The following ITIH4 variants were observed in gnomAD, a reference collection of about 807,000 sequenced individuals.
The protein encoded by ITIH4 is inter-alpha-trypsin inhibitor heavy chain H4.
A neutral mutation model predicts 111.8 loss-of-function variants in ITIH4; 79 were observed. The ratio of observed to expected loss-of-function variants is 0.71; its 90% CI spans 0.59 to 0.85. The LOEUF (loss-of-function observed/expected upper bound fraction) is 0.85, where lower values mean the gene tolerates loss of function less well. ITIH4 is among the 40% of genes least tolerant of loss of function. The pLI is 0.00. For missense variants in ITIH4, 1,065 were observed against 1,195.8 expected (o/e 0.89, Z 1.61); for synonymous variants, 472 against 468.3 (o/e 1.01, Z -0.10).
chr3:52,817,177 C>G, intron 20 of ITIH4, 119 bp from the exon 21 acceptor site: 3 of 760,950 alleles, frequency 3.9e-6, no homozygotes, highest in Middle Eastern at 3.4e-4. Context: ...CCTCCCTCAT[C>G]AGGAGGGGTG....
At chr3:52,823,198 A>C in intron 11 of ITIH4, 1 of 197,606 alleles carries the variant, frequency 5.1e-6, no homozygotes. Context: ...GGCCCGGGGA[A>C]AGCTGCCTGC....
At chr3:52,820,404 TTG>T (rs1700359585) in intron 13 of ITIH4, 87 bp from the exon 14 acceptor site, 2 of 1,426,784 alleles carry the variant, frequency 1.4e-6, no homozygotes, top group Admixed American at 3.8e-5. Context: ...TTTGAAGCGC[TTG>T]TGTTTAATCT....
At position 52,820,299 on chromosome 3, in the gene ITIH4, A is replaced by G. The variant is rs750800968; in HGVS notation, c.1853T>C (p.Val618Ala). ...PMEGESRNRN[V>A]HSGSTFFKYY... ...GGATGTTCGCTGCTTACCTGAGTGG[A>G]CATTCCTGTTTCTACTTTCTGGATA... The change falls in exon 14 of 24, where the codon GTC becomes GCC. Residue 618 changes from valine to alanine, a missense_variant. By Grantham distance (64) the Val-to-Ala change is moderately conservative. Coordinates refer to ENST00000266041, the MANE Select transcript of ITIH4 (RefSeq NM_002218.5). 6.2e-7 allele frequency: 1 copy of G among 1,614,066 alleles called. No homozygotes were observed. Among genetic ancestry groups the G allele is most frequent in the South Asian group, 1.1e-5 (1 of 91,082 alleles).
rs929013850 is a variant in ITIH4, at chr3:52,819,579, G to C, written c.1952-61C>G. The C allele has an allele frequency of 1.9e-6, 3 of 1,609,654 alleles. No individual in the cohort carries two copies. In the African/African-American group the frequency reaches 4.0e-5, roughly 22 times the overall value. ...GTGGGGTGTGGGTCTTCACAGCCAGGGCTTGAGATCCACCCAGGAGTGGGT... is the reference window on the plus strand; with the variant it reads ...GTGGGGTGTGGGTCTTCACAGCCAGCGCTTGAGATCCACCCAGGAGTGGGT... On this transcript the variant is annotated intron_variant, in intron 16 of 23. Transcript: ENST00000266041.
intron 21 of ITIH4, 146 bp downstream of exon 21, chr3:52,816,738 T>C (rs1700282902): frequency 1.3e-6 from 1 of 777,004 alleles, no homozygotes. Context: ...CAGGGGTATA[T>C]GGCAGGGCTC....
chr3:52,824,656 G>A lies in ITIH4; in HGVS notation c.877-91C>T, dbSNP rs1700454249. On this transcript the variant is annotated intron_variant, in intron 7 of 23. Coordinates refer to ENST00000266041, the MANE Select transcript of ITIH4 (RefSeq NM_002218.5). This position sits in a 1 kb window ranked among gnomAD's most constrained non-coding sequence, Gnocchi z 4.3. Reference sequence around the variant, plus strand: ...TGGCATCCTTGGACTCCTGTCTCAGGGGTGAGGTCATGGTATCTGCTCTAG... The same window carrying A: ...TGGCATCCTTGGACTCCTGTCTCAGAGGTGAGGTCATGGTATCTGCTCTAG... The A allele has an allele frequency of 1.4e-6, 2 of 1,418,930 alleles. No homozygotes were observed. The highest frequency in any genetic ancestry group is 1.9e-6 in the Non-Finnish European group (2 of 1,040,478). 87.9% of individuals were successfully genotyped at this position (1,418,930 alleles called of 1,614,324 possible).
Position 52,824,746 on chromosome 3 carries a change from G to A in ITIH4, c.876+96C>T, listed in dbSNP as rs183660326. ...TGAGAGCCACCCGCCCCATGGTGCC[G>A]AAAGGTGAAGCAAGGGGGTCTGCCT... On this transcript the variant is annotated intron_variant, in intron 7 of 23. Transcript: ENST00000266041. This position sits in a 1 kb window ranked among gnomAD's most constrained non-coding sequence, Gnocchi z 4.3. 0.013 allele frequency: 16,413 copies of A among 1,275,758 alleles called. 1,809 individuals carry two copies. The South Asian group carries it at 0.21, about 16-fold the overall frequency. 79.0% of individuals were successfully genotyped at this position (1,275,758 alleles called of 1,614,324 possible). A position where few individuals can be genotyped will look rare whatever the true frequency, so the allele number is the denominator to read the frequency against.
chr3:52,820,167 G>A lies in ITIH4; in HGVS notation c.1861+124C>T, dbSNP rs568083958. The A allele has an allele frequency of 8.5e-5, 118 of 1,392,380 alleles. 1 individual carries two copies. In the South Asian group the frequency reaches 9.6e-4, roughly 11 times the overall value. 86.3% of individuals were successfully genotyped at this position (1,392,380 alleles called of 1,614,324 possible). A position where few individuals can be genotyped will look rare whatever the true frequency, so the allele number is the denominator to read the frequency against. On this transcript the variant is annotated intron_variant, in intron 14 of 23. Transcript: ENST00000266041. Reference sequence around the variant, plus strand: ...CAGATTACACTGCCTCCTGGCAGCAGGGATGGGCTGGAGAGGCCTGGGTGG... The same window carrying A: ...CAGATTACACTGCCTCCTGGCAGCAAGGATGGGCTGGAGAGGCCTGGGTGG...
rs200149678 is a variant in ITIH4, at chr3:52,816,847, G to A, written c.2471+37C>T. ...CATCATCAGCCACTGTAGCCTGAAA[G>A]GTCAACCCCTGCCCCGGGCTCCAGC... On this transcript the variant is annotated intron_variant, in intron 21 of 23. Transcript: ENST00000266041. 4.1e-4 allele frequency: 654 copies of A among 1,597,314 alleles called. 3 individuals carry two copies. Among genetic ancestry groups the A allele is most frequent in the South Asian group, 2.6e-3 (229 of 88,402 alleles).
In ITIH4 at chr3:52,829,066, G is replaced by A. The variant is rs1428985842; in HGVS notation, c.251+53C>T. On this transcript the variant is annotated intron_variant, in intron 2 of 23. Transcript: ENST00000266041. The stretch of plus-strand genomic sequence containing the variant: ...GAGGGTTTGCTGGCACAGAGCGATG[G>A]AGTCATAGCACTGGGGGGTGTGGAG... 4 of 1,449,800 alleles carry A rather than the reference G, an allele frequency of 2.8e-6. No homozygotes were observed. In the Admixed American group the frequency reaches 5.8e-5, roughly 21 times the overall value. 89.8% of individuals were successfully genotyped at this position (1,449,800 alleles called of 1,614,324 possible). A position where few individuals can be genotyped will look rare whatever the true frequency, so the allele number is the denominator to read the frequency against.
chr3:52,827,011 A>T, intron 3 of ITIH4, 58 bp from the exon 4 acceptor site: 1 of 1,612,614 alleles, frequency 6.2e-7, no homozygotes, highest in Non-Finnish European at 8.5e-7. Context: ...AGGCTGGTAG[A>T]GGTGGGAGCA....
Position 52,826,957 on chromosome 3 carries a change from G to A in ITIH4, c.357-4C>T. The A allele has an allele frequency of 1.2e-6, 2 of 1,614,108 alleles. No individual in the cohort carries two copies. Among genetic ancestry groups the A allele is most frequent in the South Asian group, 1.1e-5 (1 of 91,078 alleles). ...CTCCATGTTTCTCCCGGTGGCCCTG[G>A]GGGAGAAGGGCATCAGGCCTGCTCC... On this transcript the variant is annotated splice_region_variant and splice_polypyrimidine_tract_variant and intron_variant, in intron 3 of 23. Coordinates refer to ENST00000266041, the MANE Select transcript of ITIH4 (RefSeq NM_002218.5).
chr3:52,826,652 C>T lies in ITIH4; in HGVS notation c.520-1G>A, dbSNP rs1243106812. The T allele has an allele frequency of 1.2e-6, 2 of 1,613,750 alleles. No homozygotes were observed. The highest frequency in any genetic ancestry group is 1.7e-6 in the Non-Finnish European group (2 of 1,179,842). On this transcript the variant is annotated splice_acceptor_variant, in intron 4 of 23. Transcript: ENST00000266041. LOFTEE classifies it high-confidence loss of function. ...GGGGCTCGAAGATGTGAATGTCCAT[C>T]TGGAGGCAAGATGTGGGTCCCTGGG...
At chr3:52,821,734 G>C (rs1326618348) in intron 11 of ITIH4, among the ~76,000 whole-genome samples, 1 of 152,164 alleles carries the variant, frequency 6.6e-6, no homozygotes, top group Non-Finnish European at 1.5e-5. Context: ...CCTCAGGGAG[G>C]GGCCTGTGGT....
rs1414133033 is a variant in ITIH4 at position 52,826,013 on chromosome 3, G to C, written c.632C>G (p.Ala211Gly). Residue 211 changes from alanine to glycine, a missense_variant and splice_region_variant, in exon 6 of 24, where the codon GCT becomes GGT. By Grantham distance (60) the Ala-to-Gly change is moderately conservative. Coordinates refer to ENST00000266041, the MANE Select transcript of ITIH4 (RefSeq NM_002218.5). ...ALTTWQNKTK[A>G]HIRFKPTLSQ... Reference sequence around the variant, plus strand: ...AAGTGTTGGCTTGAACCGGATGTGAGCCTGGAGGAATAATCCGGGCTGAAG... The same window carrying C: ...AAGTGTTGGCTTGAACCGGATGTGACCCTGGAGGAATAATCCGGGCTGAAG... 26 of 1,614,104 alleles carry C rather than the reference G, an allele frequency of 1.6e-5. No homozygotes were observed. The highest frequency in any genetic ancestry group is 2.1e-5 in the Non-Finnish European group (25 of 1,179,972).
At chr3:52,814,615 C>G (rs1700248024) in intron 21 of ITIH4, among the ~76,000 whole-genome samples, 1 of 152,154 alleles carries the variant, frequency 6.6e-6, no homozygotes, top group African/African-American at 2.4e-5. Flanking sequence ...GGGACAGGGT[C>G]TCACTCTGTC....
At chr3:52,819,667 A>G (rs1272499450) in intron 16 of ITIH4, 87 bp downstream of exon 16, 12 of 1,573,198 alleles carry the variant, frequency 7.6e-6, no homozygotes, top group Admixed American at 5.0e-5. Flanking sequence ...CTCTCCCCCA[A>G]CAGCTGGGAG....
chr3:52,824,119 A>G lies in ITIH4; in HGVS notation c.1171+71T>C. 6.3e-7 allele frequency: 1 copy of G among 1,590,054 alleles called. No homozygotes were observed. The highest frequency in any genetic ancestry group is 1.1e-5 in the South Asian group (1 of 89,292). ...CCCCCTCTCCCTGCCCAGATCCCAC[A>G]GCAAGCCCAGGTGCAGCCCCAGCCG... On this transcript the variant is annotated intron_variant, in intron 9 of 23. Coordinates refer to ENST00000266041, the MANE Select transcript of ITIH4 (RefSeq NM_002218.5). The surrounding 1 kb of genome is among the most constrained non-coding windows in gnomAD (Gnocchi z 4.3).
Position 52,820,285 on chromosome 3 carries a change from G to A in ITIH4, c.1861+6C>T, listed in dbSNP as rs1295553944. 3.1e-6 allele frequency: 5 copies of A among 1,613,962 alleles called. No homozygotes were observed. Among genetic ancestry groups the A allele is most frequent in the Non-Finnish European group, 4.2e-6 (5 of 1,180,030 alleles). ...AGCACAGCCTTTGAGGATGTTCGCT[G>A]CTTACCTGAGTGGACATTCCTGTTT... is the stretch of plus-strand genomic sequence containing the variant. On this transcript the variant is annotated splice_donor_region_variant and intron_variant, in intron 14 of 23. Transcript: ENST00000266041.
Sources: allele counts gnomAD v4.1 joint callset (sites outside exome capture counted in the v4.1 genomes callset), GRCh38; gene constraint gnomAD v4.1.1; non-coding constraint Gnocchi (gnomAD v3.1); transcripts MANE v1.5; gene names NCBI Gene and HGNC (gene_info 2026-07-23, HGNC 2026-07-21).